The following GPR158 variants were observed in gnomAD, a reference collection of about 807,000 sequenced individuals.
GPR158 encodes metabotropic glycine receptor.
In GPR158, 30 loss-of-function variants were observed where a neutral mutation model predicts 78.2. That is an observed-to-expected ratio of 0.38 (90% confidence interval 0.29 to 0.52). GPR158 has a LOEUF of 0.52. Ranked by LOEUF, GPR158 falls within the 20% of genes least tolerant of loss-of-function variation. The probability of loss-of-function intolerance (pLI) is 0.83; values close to 1 mark genes in which losing one functional copy is unlikely to be tolerated. For synonymous variants in GPR158, 581 were observed against 591.1 expected (o/e 0.98, Z 0.25); for missense variants, 1,463 against 1,523.5 (o/e 0.96, Z 0.66).
At chr10:25,456,378 C>T (rs569693511) in intron 4 of GPR158, among the ~76,000 whole-genome samples, 2 of 152,162 alleles carry the variant, frequency 1.3e-5, no homozygotes, top group African/African-American at 2.4e-5. Context: ...CTTTGTTTTA[C>T]ACTTTTTCTG....
At chr10:25,498,700 C>T (rs182729951) in intron 5 of GPR158, among the ~76,000 whole-genome samples, 22 of 152,282 alleles carry the variant, frequency 1.4e-4, no homozygotes, top group Admixed American at 1.2e-3. Context: ...GTAGATATTA[C>T]ATATGACTAA....
intron 5 of GPR158, among the ~76,000 whole-genome samples, chr10:25,525,190 A>C (rs1836330885): frequency 6.6e-6 from 1 of 152,212 alleles, no homozygotes; most frequent in African/African-American, 2.4e-5. Flanking sequence ...GGAATGTAAA[A>C]TGGTGCAGTC....
intron 2 of GPR158, 44 bp from the exon 3 acceptor site, chr10:25,395,867 G>A: frequency 1.1e-6 from 1 of 933,152 alleles, no homozygotes. Context: ...TATACCATGA[G>A]ATAAGCCATG....
intron 2 of GPR158, among the ~76,000 whole-genome samples, chr10:25,229,166 C>T (rs1220460615): frequency 6.6e-6 from 1 of 152,084 alleles, no homozygotes; most frequent in African/African-American, 2.4e-5. Context: ...GGTGGTGTCT[C>T]TATCTAGAAC....
chr10:25,196,783 A>G (rs1275057627), intron 1 of GPR158, among the ~76,000 whole-genome samples: 1 of 152,212 alleles, frequency 6.6e-6, no homozygotes, highest in Non-Finnish European at 1.5e-5. Flanking sequence ...TTGCTTGGGA[A>G]AAAATGCCAT....
At chr10:25,357,597 G>A (rs1855571307) in intron 2 of GPR158, among the ~76,000 whole-genome samples, 1 of 152,100 alleles carries the variant, frequency 6.6e-6, no homozygotes, top group Non-Finnish European at 1.5e-5. Context: ...CCAAGCCTTG[G>A]CAGTTTCTAC....
chr10:25,477,486 G>A (rs987654897), intron 5 of GPR158, among the ~76,000 whole-genome samples: 17 of 151,944 alleles, frequency 1.1e-4, no homozygotes, highest in African/African-American at 2.7e-4. Flanking sequence ...TGCAATCTGC[G>A]TTTTCTCCAA....
chr10:25,329,394 C>T (rs560158407), intron 2 of GPR158, among the ~76,000 whole-genome samples: 4 of 150,642 alleles, frequency 2.7e-5, no homozygotes, highest in South Asian at 4.2e-4. Context: ...GAGCGGAGAT[C>T]GCGCCACTGC....
At chr10:25,180,604 G>A (rs1852600418) in intron 1 of GPR158, among the ~76,000 whole-genome samples, 1 of 152,192 alleles carries the variant, frequency 6.6e-6, no homozygotes, top group South Asian at 2.1e-4. Flanking sequence ...TTCAATTTGA[G>A]GTGGAACTTT....
intron 6 of GPR158, among the ~76,000 whole-genome samples, chr10:25,559,176 A>T (rs953043523): frequency 6.6e-6 from 1 of 152,186 alleles, no homozygotes; most frequent in Admixed American, 6.5e-5. Context: ...TCATGAATCA[A>T]ACCTTTTATT....
intron 2 of GPR158, among the ~76,000 whole-genome samples, chr10:25,334,576 G>A (rs1329612791): frequency 6.6e-6 from 1 of 151,926 alleles, no homozygotes; most frequent in Non-Finnish European, 1.5e-5. Flanking sequence ...AGCAGAGCTA[G>A]AATGTACGAT....
intron 5 of GPR158, among the ~76,000 whole-genome samples, chr10:25,481,346 G>A (rs777166694): frequency 6.6e-6 from 1 of 152,138 alleles, no homozygotes; most frequent in Admixed American, 6.5e-5. Context: ...GATTATGGGG[G>A]TCAGTGAGAT....
intron 2 of GPR158, among the ~76,000 whole-genome samples, chr10:25,352,266 TA>T (rs1395921719): frequency 6.6e-6 from 1 of 152,074 alleles, no homozygotes; most frequent in Non-Finnish European, 1.5e-5. Flanking sequence ...TTTAGTTAAT[TA>T]AAAACTAACC....
chr10:25,371,356 C>T (rs1249516529), intron 2 of GPR158, among the ~76,000 whole-genome samples: 1 of 151,690 alleles, frequency 6.6e-6, no homozygotes, highest in South Asian at 2.1e-4. Flanking sequence ...TCTTTTAGGG[C>T]AGGCCTGGTG....
chr10:25,360,503 A>G (rs2130532745), intron 2 of GPR158, among the ~76,000 whole-genome samples: 1 of 152,284 alleles, frequency 6.6e-6, no homozygotes, highest in East Asian at 1.9e-4. Flanking sequence ...TTTATTAAAT[A>G]GGGAATCCTT....
intron 5 of GPR158, among the ~76,000 whole-genome samples, chr10:25,547,360 G>A (rs998185725): frequency 1.3e-5 from 2 of 152,014 alleles, no homozygotes; most frequent in Non-Finnish European, 2.9e-5. Flanking sequence ...ACAATGATCT[G>A]GCTCCATCTG....
intron 5 of GPR158, among the ~76,000 whole-genome samples, chr10:25,517,496 T>C (rs972955511): frequency 8.5e-5 from 13 of 152,258 alleles, no homozygotes; most frequent in Admixed American, 3.3e-4. Context: ...CAGTATGATA[T>C]AGGCTGTGGG....
intron 2 of GPR158, among the ~76,000 whole-genome samples, chr10:25,354,641 A>C (rs531544331): frequency 1.3e-5 from 2 of 152,146 alleles, no homozygotes; most frequent in South Asian, 4.1e-4. Flanking sequence ...GCATGTACTT[A>C]ATTTTGCCAG....
chr10:25,592,215 A>G (rs187966258), intron 8 of GPR158, among the ~76,000 whole-genome samples: 1 of 152,146 alleles, frequency 6.6e-6, no homozygotes, highest in East Asian at 1.9e-4. Context: ...ATTAAAAACT[A>G]TGACTATACA....
Sources: gnomAD v4.1 joint callset for allele counts (sites outside exome capture counted in the v4.1 genomes callset) on GRCh38, gnomAD v4.1.1 for gene constraint, MANE v1.5 for transcripts, NCBI Gene and HGNC (gene_info 2026-07-23, HGNC 2026-07-21) for gene names.